DIAPH2: variants seen among roughly 807,000 people sequenced by gnomAD.
The protein encoded by DIAPH2 is diaphanous related formin 2.
A neutral mutation model predicts 92.7 loss-of-function variants in DIAPH2; 35 were observed. The observed-to-expected ratio is 0.38, with a 90% CI of 0.29 to 0.50. DIAPH2 has a LOEUF of 0.50. DIAPH2 is among the 20% of genes least tolerant of loss of function. The probability of loss-of-function intolerance (pLI) is 0.94; values close to 1 mark genes in which losing one functional copy is unlikely to be tolerated. For missense variants in DIAPH2, 701 were observed against 819.5 expected, an observed-to-expected ratio of 0.86 and a Z score of 1.77; for synonymous variants, 301 against 280.4, an observed-to-expected ratio of 1.07 and a Z score of -0.73.
At chrX:97,584,098 G>C (rs913978265) in intron 26 of DIAPH2, among the ~76,000 whole-genome samples, 4 of 112,318 alleles carry the variant, frequency 3.6e-5, no homozygotes, top group Non-Finnish European at 7.5e-5. Flanking sequence ...AGATGAACCC[G>C]GTACCTCAGA....
intron 11 of DIAPH2, among the ~76,000 whole-genome samples, chrX:96,938,310 C>T (rs2065671261): frequency 9.0e-6 from 1 of 111,655 alleles, no homozygotes. Context: ...GGAATAATTT[C>T]TAGTAATTTT....
At chrX:97,028,473 C>A (rs938594671) in intron 17 of DIAPH2, among the ~76,000 whole-genome samples, 21 of 111,827 alleles carry the variant, frequency 1.9e-4, no homozygotes, top group African/African-American at 6.8e-4. Context: ...TCCTCAAACC[C>A]CTGCCCCTGT....
chrX:97,334,659 C>T (rs911072937), intron 23 of DIAPH2, among the ~76,000 whole-genome samples: 6 of 104,141 alleles, frequency 5.8e-5, no homozygotes, highest in Non-Finnish European at 1.2e-4. Flanking sequence ...TATTTTACCA[C>T]ATGCTAGTTT....
chrX:97,421,643 GAAT>G (rs1421093236), intron 25 of DIAPH2, among the ~76,000 whole-genome samples: 1 of 111,767 alleles, frequency 8.9e-6, no homozygotes, highest in East Asian at 2.8e-4. Context: ...GTTCTATGCA[GAAT>G]AATATTTGTC....
intron 26 of DIAPH2, among the ~76,000 whole-genome samples, chrX:97,430,267 A>G (rs1034258182): frequency 6.2e-5 from 7 of 112,105 alleles, no homozygotes; most frequent in African/African-American, 2.3e-4. Context: ...TTTATATTTG[A>G]TTAGTAACAG....
At chrX:97,201,016 A>G (rs1344130065) in intron 22 of DIAPH2, among the ~76,000 whole-genome samples, 2 of 110,822 alleles carry the variant, frequency 1.8e-5, no homozygotes, top group Non-Finnish European at 3.8e-5. Context: ...TCCACTGGTG[A>G]TACCCAGGTG....
intron 25 of DIAPH2, among the ~76,000 whole-genome samples, chrX:97,414,615 C>T (rs760014193): frequency 2.0e-5 from 2 of 101,072 alleles, no homozygotes; most frequent in African/African-American, 7.5e-5. Flanking sequence ...GATCACGCCA[C>T]TGTACTCCAG....
chrX:96,805,721 C>T (rs748724224), intron 4 of DIAPH2, among the ~76,000 whole-genome samples: 1 of 110,759 alleles, frequency 9.0e-6, no homozygotes, highest in Non-Finnish European at 1.9e-5. Context: ...TGAAAATATC[C>T]CACCACTTTA....
At chrX:96,695,808 C>A (rs751334542) in intron 1 of DIAPH2, among the ~76,000 whole-genome samples, 2 of 111,321 alleles carry the variant, frequency 1.8e-5, no homozygotes, top group Admixed American at 1.9e-4. Context: ...TGTCTGACCA[C>A]GGAGATAACA....
At chrX:97,421,565 A>G (rs1283092671) in intron 25 of DIAPH2, among the ~76,000 whole-genome samples, 1 of 111,903 alleles carries the variant, frequency 8.9e-6, no homozygotes, top group Admixed American at 9.5e-5. Flanking sequence ...TTGCTCACAA[A>G]ACAATTTTGC....
chrX:96,994,132 T>C (rs1389014705), intron 17 of DIAPH2, among the ~76,000 whole-genome samples: 2 of 111,990 alleles, frequency 1.8e-5, no homozygotes, highest in African/African-American at 6.5e-5. Flanking sequence ...TTAGGATTGA[T>C]GGGAGAAAAT....
chrX:97,438,509 G>T (rs1020659108), intron 26 of DIAPH2, among the ~76,000 whole-genome samples: 1 of 107,553 alleles, frequency 9.3e-6, no homozygotes, highest in South Asian at 4.2e-4. Context: ...GGGATGACAG[G>T]TGCATGCCAC....
intron 4 of DIAPH2, among the ~76,000 whole-genome samples, chrX:96,789,784 A>T (rs2064485788): frequency 8.9e-6 from 1 of 111,876 alleles, no homozygotes; most frequent in Admixed American, 9.6e-5. Flanking sequence ...AAGCTTGCTG[A>T]AAGTACAGGG....
At chrX:97,311,055 T>C (rs1306217251) in intron 23 of DIAPH2, among the ~76,000 whole-genome samples, 1 of 111,568 alleles carries the variant, frequency 9.0e-6, no homozygotes, top group Non-Finnish European at 1.9e-5. Context: ...TTGTGGGTCA[T>C]AATAAGGACC....
At chrX:97,177,983 C>T (rs1481463240) in intron 22 of DIAPH2, among the ~76,000 whole-genome samples, 2 of 111,563 alleles carry the variant, frequency 1.8e-5, no homozygotes, top group African/African-American at 3.3e-5. Flanking sequence ...CCAAGGAGAG[C>T]GGATCACTTG....
intron 23 of DIAPH2, among the ~76,000 whole-genome samples, chrX:97,345,771 T>G (rs149314274): frequency 0.025 from 2,761 of 111,698 alleles, 48 homozygotes; most frequent in Non-Finnish European, 0.04. Context: ...TCTTTATGGT[T>G]AGTCCACTTA....
At chrX:97,389,262 T>A (rs920712777) in intron 25 of DIAPH2, among the ~76,000 whole-genome samples, 2 of 105,912 alleles carry the variant, frequency 1.9e-5, no homozygotes, top group South Asian at 4.3e-4. Context: ...AGGTCAGGAG[T>A]TCAAGACCAG....
At chrX:97,415,704 G>A in intron 25 of DIAPH2, among the ~76,000 whole-genome samples, 1 of 107,475 alleles carries the variant, frequency 9.3e-6, no homozygotes. Flanking sequence ...GGCGTGTTGT[G>A]GGGTGGGGGG....
chrX:97,006,764 A>G (rs907289664), intron 17 of DIAPH2, among the ~76,000 whole-genome samples: 2 of 111,733 alleles, frequency 1.8e-5, no homozygotes, highest in African/African-American at 3.3e-5. Context: ...GTGCACTTAC[A>G]TTCAATGTTA....
Sources: gnomAD v4.1 joint callset for allele counts (sites outside exome capture counted in the v4.1 genomes callset) on GRCh38, gnomAD v4.1.1 for gene constraint, MANE v1.5 for transcripts, NCBI Gene and HGNC (gene_info 2026-07-23, HGNC 2026-07-21) for gene names.